Variants in RBFOX1 observed in about 807,000 individuals in gnomAD.
RBFOX1 encodes RNA binding fox-1 homolog 1.
Under a neutral mutation model 57.7 loss-of-function variants are expected in RBFOX1, and 8 were observed. That is an observed-to-expected ratio of 0.14 (90% CI 0.08 to 0.25). The LOEUF (loss-of-function observed/expected upper bound fraction) is 0.25, where lower values mean the gene tolerates loss of function less well. Among genes scored for constraint, RBFOX1 ranks in the 10% least tolerant of loss-of-function variants. RBFOX1 has a pLI of 1.00. For synonymous variants in RBFOX1, 326 were observed against 222.4 expected (o/e 1.47, Z -4.15); for missense variants, 611 against 548.5 (o/e 1.11, Z -1.14).
chr16:5,502,464 C>T (rs759238402), intron 2 of RBFOX1, among the ~76,000 whole-genome samples: 1 of 152,092 alleles, frequency 6.6e-6, no homozygotes, highest in South Asian at 2.1e-4. Flanking sequence ...CAGGCTCCGG[C>T]CCCTAGTGTC....
chr16:7,269,731 G>A (rs556395039), intron 4 of RBFOX1, among the ~76,000 whole-genome samples: 1 of 152,060 alleles, frequency 6.6e-6, no homozygotes, highest in Admixed American at 6.5e-5. Flanking sequence ...TTATACTCAA[G>A]TCTTTGTTTA....
At chr16:7,023,717 A>G (rs559267327) in intron 3 of RBFOX1, among the ~76,000 whole-genome samples, 1 of 152,112 alleles carries the variant, frequency 6.6e-6, no homozygotes, top group Admixed American at 6.5e-5. Flanking sequence ...TACTTACTCT[A>G]CAGTACACAG....
intron 4 of RBFOX1, among the ~76,000 whole-genome samples, chr16:7,270,448 A>C (rs1030805379): frequency 2.0e-5 from 3 of 152,228 alleles, no homozygotes; most frequent in Non-Finnish European, 2.9e-5. Flanking sequence ...GCAGATTCAG[A>C]CCTTATGGAA....
At chr16:5,551,032 G>A (rs1401617820) in intron 2 of RBFOX1, among the ~76,000 whole-genome samples, 4 of 152,112 alleles carry the variant, frequency 2.6e-5, no homozygotes, top group African/African-American at 9.7e-5. Context: ...AAACGCTCAG[G>A]GAACTGTGGG....
chr16:6,699,636 A>G lies in RBFOX1; in HGVS notation c.-16+44986A>G, dbSNP rs760684975. Reference sequence around the variant, plus strand: ...GGGAAGAGTGTTTTTGTTGGCATGAATACTCATCTGTCAACCAGCCCCTGC... The same window carrying G: ...GGGAAGAGTGTTTTTGTTGGCATGAGTACTCATCTGTCAACCAGCCCCTGC... On this transcript the variant is annotated intron_variant, in intron 3 of 15. Coordinates refer to ENST00000550418, the MANE Select transcript of RBFOX1 (RefSeq NM_018723.4). 9.0e-4 allele frequency among the ~76,000 whole-genome samples: 137 copies of G among 152,182 alleles called. 1 individual carries two copies. The highest frequency in any genetic ancestry group is 3.4e-4 in the Non-Finnish European group (23 of 68,038).
intron 4 of RBFOX1, among the ~76,000 whole-genome samples, chr16:7,075,940 A>C (rs115634173): frequency 0.01 from 1,538 of 152,098 alleles, 30 homozygotes; most frequent in African/African-American, 0.035. Flanking sequence ...GCTTTATTTG[A>C]ATGAGGCATA....
chr16:7,027,740 C>A (rs893676375), intron 3 of RBFOX1, among the ~76,000 whole-genome samples: 1 of 151,826 alleles, frequency 6.6e-6, no homozygotes, highest in Non-Finnish European at 1.5e-5. Flanking sequence ...AAATAGACTT[C>A]TTTCCTTTTA....
At chr16:7,382,733 G>C (rs1447002237) in intron 4 of RBFOX1, among the ~76,000 whole-genome samples, 1 of 152,216 alleles carries the variant, frequency 6.6e-6, no homozygotes, top group Non-Finnish European at 1.5e-5. Flanking sequence ...CCCGCTATTT[G>C]TATGTACGTT....
rs2094724999 is a variant in RBFOX1, at chr16:7,596,828, T to C, written c.562-543T>C. ...CTGTGACGTTAAAGCTTGAATGATT[T>C]TGTTAATTCTTGCGATGTAAAAGGC... is the stretch of plus-strand genomic sequence containing the variant. On this transcript the variant is annotated intron_variant, in intron 8 of 15. Coordinates refer to ENST00000550418, the MANE Select transcript of RBFOX1 (RefSeq NM_018723.4). 2.0e-5 allele frequency among the ~76,000 whole-genome samples: 3 copies of C among 152,300 alleles called. No homozygotes were observed. The South Asian group carries it at 6.2e-4, about 32-fold the overall frequency.
intron 4 of RBFOX1, among the ~76,000 whole-genome samples, chr16:5,995,529 C>T (rs546350782): frequency 6.6e-6 from 1 of 152,272 alleles, no homozygotes; most frequent in Non-Finnish European, 1.5e-5. Flanking sequence ...AATAAGGATA[C>T]AGAAATGTGA....
chr16:5,977,801 A>G (rs1352213550), intron 4 of RBFOX1, among the ~76,000 whole-genome samples: 2 of 152,100 alleles, frequency 1.3e-5, no homozygotes, highest in African/African-American at 4.8e-5. Flanking sequence ...AGACACCACC[A>G]TCAAGGTGGC....
chr16:5,830,741 G>A (rs143820926), intron 3 of RBFOX1, among the ~76,000 whole-genome samples: 1 of 152,214 alleles, frequency 6.6e-6, no homozygotes, highest in Non-Finnish European at 1.5e-5. Flanking sequence ...CACCATTGCA[G>A]TGTGCCTGCT....
At chr16:6,199,302 C>T (rs1230653427) in intron 1 of RBFOX1, among the ~76,000 whole-genome samples, 2 of 152,142 alleles carry the variant, frequency 1.3e-5, no homozygotes, top group Non-Finnish European at 2.9e-5. Flanking sequence ...TATTTTGCTA[C>T]ATGGTTAAAT....
At chr16:5,268,075 T>A (rs555315308) in intron 1 of RBFOX1, among the ~76,000 whole-genome samples, 28 of 150,506 alleles carry the variant, frequency 1.9e-4, no homozygotes, top group African/African-American at 6.1e-4. Context: ...CGAGATTCCA[T>A]GTCAAAAAAA....
At chr16:6,523,318 T>C (rs1175824776) in intron 2 of RBFOX1, among the ~76,000 whole-genome samples, 4 of 152,128 alleles carry the variant, frequency 2.6e-5, no homozygotes, top group Non-Finnish European at 4.4e-5. Flanking sequence ...ATAAAGCTAC[T>C]AGCCATTTGG....
chr16:6,289,039 A>G lies in RBFOX1; in HGVS notation c.-126-27956A>G, dbSNP rs566175121. ...CAGAATCTGAACAGAATGAGCTTTTATCATTTTTACCAACTATGCCCTTGA... is the reference window on the plus strand; with the variant it reads ...CAGAATCTGAACAGAATGAGCTTTTGTCATTTTTACCAACTATGCCCTTGA... On this transcript the variant is annotated intron_variant, in intron 1 of 15. Coordinates refer to ENST00000550418, the MANE Select transcript of RBFOX1 (RefSeq NM_018723.4). 7.5e-4 allele frequency among the ~76,000 whole-genome samples: 114 copies of G among 152,264 alleles called. 1 individual carries two copies. Among genetic ancestry groups the G allele is most frequent in the Middle Eastern group, 3.4e-3 (1 of 294 alleles).
rs143671935 is a variant in RBFOX1, at chr16:6,288,309, T to A, written c.-126-28686T>A. 4.6e-5 allele frequency among the ~76,000 whole-genome samples: 7 copies of A among 152,298 alleles called. No homozygotes were observed. The East Asian group carries it at 1.3e-3, about 29-fold the overall frequency. Reference sequence around the variant, plus strand: ...TCATGTAGAGTTGATGCTTGGGAAATCTTGTTAAAAGAATTGCTTAGGAGA... The same window carrying A: ...TCATGTAGAGTTGATGCTTGGGAAAACTTGTTAAAAGAATTGCTTAGGAGA... On this transcript the variant is annotated intron_variant, in intron 1 of 15. Transcript: ENST00000550418.
chr16:5,841,618 A>T (rs763304472), intron 3 of RBFOX1, among the ~76,000 whole-genome samples: 1 of 152,216 alleles, frequency 6.6e-6, no homozygotes, highest in Non-Finnish European at 1.5e-5. Context: ...TCTGGGATAT[A>T]CTTCTGTTAA....
At chr16:5,722,278 A>G (rs563684042) in intron 3 of RBFOX1, among the ~76,000 whole-genome samples, 1 of 152,358 alleles carries the variant, frequency 6.6e-6, no homozygotes, top group Admixed American at 6.5e-5. Context: ...GCTACAGTGT[A>G]TCTAATCTCT....
Sources: allele counts gnomAD v4.1 joint callset (sites outside exome capture counted in the v4.1 genomes callset), GRCh38; gene constraint gnomAD v4.1.1; transcripts MANE v1.5; gene names NCBI Gene and HGNC (gene_info 2026-07-23, HGNC 2026-07-21).